SOX6: variants seen among roughly 807,000 people sequenced by gnomAD.
SOX6 encodes transcription factor SOX-6.
In SOX6, 11 loss-of-function variants were observed where a neutral mutation model predicts 97.8. The observed-to-expected ratio is 0.11, with a 90% CI of 0.07 to 0.19. The LOEUF is 0.19. Among genes scored for constraint, SOX6 ranks in the 10% least tolerant of loss-of-function variants. The probability of loss-of-function intolerance (pLI) is 1.00; values close to 1 mark genes in which losing one functional copy is unlikely to be tolerated. For synonymous variants in SOX6, 360 were observed against 371.4 expected, an observed-to-expected ratio of 0.97 and a Z score of 0.35; for missense variants, 810 against 1,039.5, an observed-to-expected ratio of 0.78 and a Z score of 3.04.
intron 2 of SOX6, among the ~76,000 whole-genome samples, chr11:16,720,198 T>C (rs1413758857): frequency 6.6e-6 from 1 of 151,296 alleles, no homozygotes; most frequent in Non-Finnish European, 1.5e-5. Context: ...ACTGGGTATA[T>C]ACCCAAAGGA....
At chr11:15,979,013 ATATAACTGCT>A (rs1174218224) in intron 15 of SOX6, among the ~76,000 whole-genome samples, 5 of 126,990 alleles carry the variant, frequency 3.9e-5, no homozygotes, top group African/African-American at 1.2e-4. Context: ...TATTTTATAT[ATATAACTGCT>A]TATTTTATAT....
intron 4 of SOX6, among the ~76,000 whole-genome samples, chr11:16,595,670 G>T (rs768040271): frequency 1.3e-4 from 19 of 151,600 alleles, no homozygotes; most frequent in Non-Finnish European, 1.9e-4. Flanking sequence ...AGCTACTCAG[G>T]AGGCTGAGGC....
intron 4 of SOX6, among the ~76,000 whole-genome samples, chr11:16,197,933 C>G (rs1242902926): frequency 6.6e-6 from 1 of 152,134 alleles, no homozygotes; most frequent in Non-Finnish European, 1.5e-5. Context: ...ATTTGTTCAA[C>G]CTATAAAAAA....
At chr11:16,343,184 G>A (rs1360715178) in intron 1 of SOX6, among the ~76,000 whole-genome samples, 2 of 151,834 alleles carry the variant, frequency 1.3e-5, no homozygotes, top group African/African-American at 4.8e-5. Context: ...AATTATAATT[G>A]TTCTGCAAGT....
chr11:16,132,258 AGAAAGAAAGAAGGAAG>A (rs1331794213), intron 6 of SOX6, among the ~76,000 whole-genome samples: 2 of 113,454 alleles, frequency 1.8e-5, no homozygotes, highest in Admixed American at 1.1e-4. Context: ...GAAGGAAGAA[AGAAAGAAAGAAGGAAG>A]GAAGGAAGGA....
intron 2 of SOX6, among the ~76,000 whole-genome samples, chr11:16,731,474 C>A (rs188216451): frequency 0.011 from 1,745 of 152,214 alleles, 26 homozygotes; most frequent in African/African-American, 0.04. Flanking sequence ...CCATCGCATA[C>A]ACAGAACCAA....
At chr11:16,210,068 G>A (rs1852178439) in intron 4 of SOX6, among the ~76,000 whole-genome samples, 1 of 152,106 alleles carries the variant, frequency 6.6e-6, no homozygotes, top group African/African-American at 2.4e-5. Flanking sequence ...AGCTGCTTTG[G>A]AATCAGTCTA....
chr11:16,259,945 A>ATATGTG (rs3059123), intron 3 of SOX6, among the ~76,000 whole-genome samples: 4,578 of 149,094 alleles, frequency 0.031, 92 homozygotes, highest in Non-Finnish European at 0.037. Context: ...TGTCCCAAAT[A>ATATGTG]TGTGTGTGTG....
intron 12 of SOX6, among the ~76,000 whole-genome samples, chr11:16,035,568 C>T (rs1481519778): frequency 2.6e-5 from 4 of 152,100 alleles, no homozygotes; most frequent in African/African-American, 9.7e-5. Context: ...ACTAAGAACA[C>T]TTAATGAAAT....
Position 16,623,686 on chromosome 11 carries a change from C to T in SOX6, n.430-11426G>A, listed in dbSNP as rs563186066. Among the ~76,000 whole-genome samples, 24 of 152,170 alleles carry T rather than the reference C, an allele frequency of 1.6e-4. No homozygotes were observed. The South Asian group carries it at 3.3e-3, about 21-fold the overall frequency. On this transcript the variant is annotated intron_variant and non_coding_transcript_variant, in intron 3 of 5. Coordinates refer to the SOX6 transcript ENST00000524520. ...CTGATGTCATCTTCTAGAATTTTTA[C>T]AGTTTCACGTCTTAGATTTAAGTCT...
At chr11:15,983,512 C>T (rs914292772) in intron 15 of SOX6, among the ~76,000 whole-genome samples, 4 of 152,002 alleles carry the variant, frequency 2.6e-5, no homozygotes, top group South Asian at 2.1e-4. Flanking sequence ...TCCATCAAAA[C>T]GTCAATAGAA....
chr11:16,728,428 C>T lies in SOX6; in HGVS notation n.353+7911G>A, dbSNP rs191487572. Among the ~76,000 whole-genome samples the T allele has an allele frequency of 9.1e-4, 139 of 152,296 alleles. 1 individual carries two copies. The highest frequency in any genetic ancestry group is 2.9e-3 in the African/African-American group (120 of 41,578). ...TTCTGCATTCTCTGCCAGTGATAGC[C>T]AGGCAAACAGGGTCTGGAGTGGACC... On this transcript the variant is annotated intron_variant and non_coding_transcript_variant, in intron 2 of 5. Coordinates refer to the SOX6 transcript ENST00000524520.
At chr11:16,434,506 C>T (rs1257984537) in intron 1 of SOX6, 1 of 152,108 alleles carries the variant, frequency 6.6e-6, no homozygotes, top group African/African-American at 2.4e-5. Context: ...GATGATAATT[C>T]CCTTTACATG....
upstream of SOX6, among the ~76,000 whole-genome samples, chr11:16,478,513 A>C (rs761026546): frequency 2.6e-4 from 39 of 152,364 alleles, no homozygotes; most frequent in Middle Eastern, 3.4e-3. Context: ...AATCTTATTC[A>C]TCATATCAGT....
At chr11:16,691,430 T>C (rs1382813353) in intron 3 of SOX6, among the ~76,000 whole-genome samples, 1 of 152,218 alleles carries the variant, frequency 6.6e-6, no homozygotes, top group Non-Finnish European at 1.5e-5. Context: ...GAAAGATTTT[T>C]TCTTCTGAGA....
chr11:16,184,440 A>G (rs1256946280), intron 5 of SOX6, among the ~76,000 whole-genome samples: 1 of 152,158 alleles, frequency 6.6e-6, no homozygotes, highest in African/African-American at 2.4e-5. Flanking sequence ...AAGGAGTGCC[A>G]AAGGACACAG....
intron 3 of SOX6, among the ~76,000 whole-genome samples, chr11:16,639,506 A>G (rs535448609): frequency 8.5e-5 from 13 of 152,298 alleles, no homozygotes; most frequent in Admixed American, 3.3e-4. Flanking sequence ...TACCTTGGGC[A>G]GTATGGCCAT....
At chr11:16,048,833 T>C (rs1028599600) in intron 11 of SOX6, among the ~76,000 whole-genome samples, 40 of 152,028 alleles carry the variant, frequency 2.6e-4, no homozygotes, top group Middle Eastern at 6.8e-3. Context: ...TTCCAAAGAG[T>C]ATAACAAATT....
chr11:16,546,347 A>G (rs944371099), intron 4 of SOX6, among the ~76,000 whole-genome samples: 1 of 152,134 alleles, frequency 6.6e-6, no homozygotes, highest in African/African-American at 2.4e-5. Flanking sequence ...TAGAATTCAA[A>G]ATATTTAACA....
Sources: allele counts gnomAD v4.1 joint callset (sites outside exome capture counted in the v4.1 genomes callset), GRCh38; gene constraint gnomAD v4.1.1; transcripts MANE v1.5; gene names NCBI Gene and HGNC (gene_info 2026-07-23, HGNC 2026-07-21).